Variants in HOATZ observed in about 807,000 individuals in gnomAD.
HOATZ encodes cilia- and flagella-associated protein HOATZ.
Under a neutral mutation model 24.9 loss-of-function variants are expected in HOATZ, and 26 were observed. The observed-to-expected ratio is 1.04, with a 90% CI of 0.76 to 1.45. The LOEUF is 1.45. Ranked by LOEUF, HOATZ falls within the 40% of genes most tolerant of loss-of-function variation. The pLI, the probability that HOATZ is intolerant of heterozygous loss-of-function variation, is 0.00. For synonymous variants in HOATZ, 83 were observed against 76.6 expected (o/e 1.08, Z -0.43); for missense variants, 226 against 201.5 (o/e 1.12, Z -0.74).
chr11:111,529,787 A>G (rs567884472), intron 3 of HOATZ, among the ~76,000 whole-genome samples: 1 of 152,334 alleles, frequency 6.6e-6, no homozygotes, highest in African/African-American at 2.4e-5. Context: ...TCTAGTGTTT[A>G]TTAAGAGCTT....
intron 3 of HOATZ, among the ~76,000 whole-genome samples, chr11:111,520,792 G>A (rs1307097162): frequency 6.6e-6 from 1 of 152,182 alleles, no homozygotes; most frequent in African/African-American, 2.4e-5. Flanking sequence ...CAGTCCAGTG[G>A]ATCCATGCTG....
chr11:111,536,557 G>C (rs1867452447), intron 5 of HOATZ: 3 of 437,982 alleles, frequency 6.8e-6, no homozygotes, highest in Middle Eastern at 5.9e-4. Context: ...ACATATTTGG[G>C]GTAGGAGGGC....
intron 3 of HOATZ, among the ~76,000 whole-genome samples, chr11:111,517,307 C>T (rs1867217103): frequency 6.6e-6 from 1 of 152,254 alleles, no homozygotes; most frequent in South Asian, 2.1e-4. Context: ...TAAAAGTCAA[C>T]TTCAGTGCTT....
At chr11:111,522,577 T>A (rs1183929773) in intron 3 of HOATZ, among the ~76,000 whole-genome samples, 1 of 152,210 alleles carries the variant, frequency 6.6e-6, no homozygotes, top group Non-Finnish European at 1.5e-5. Context: ...TCTGTGATAA[T>A]GTATTCTAGT....
At position 111,516,546 on chromosome 11, in the gene HOATZ, C is replaced by CA. The variant is rs111862347; in HGVS notation, c.339+450dup. Among the ~76,000 whole-genome samples, 239 of 124,706 alleles carry CA rather than the reference C, an allele frequency of 1.9e-3. 1 individual carries two copies. Among genetic ancestry groups the CA allele is most frequent in the African/African-American group, 2.9e-3 (98 of 34,230 alleles). 81.8% of individuals were successfully genotyped at this position (124,706 alleles called of 152,430 possible). A position where few individuals can be genotyped will look rare whatever the true frequency, so the allele number is the denominator to read the frequency against. On this transcript the variant is annotated intron_variant, in intron 3 of 5. Coordinates refer to ENST00000375618, the MANE Select transcript of HOATZ (RefSeq NM_001100388.2). Reference sequence around the variant, plus strand: ...CTACATAGTAAGACCTCTAACTCTACAAAAAAAAAAAAAATTTTTAATTTG... The same window carrying CA: ...CTACATAGTAAGACCTCTAACTCTACAAAAAAAAAAAAAAATTTTTAATTTG...
chr11:111,518,954 A>G (rs1867237686), intron 3 of HOATZ: 1 of 451,982 alleles, frequency 2.2e-6, no homozygotes. Context: ...TAGTATTTGT[A>G]CAGTCTCTGA....
At chr11:111,516,488 C>G (rs972840674) in intron 3 of HOATZ, among the ~76,000 whole-genome samples, 1 of 151,978 alleles carries the variant, frequency 6.6e-6, no homozygotes, top group Non-Finnish European at 1.5e-5. Context: ...GCAGGAGGAT[C>G]CCTTGAGGCC....
chr11:111,527,815 T>G (rs561291027), intron 3 of HOATZ, among the ~76,000 whole-genome samples: 2 of 152,362 alleles, frequency 1.3e-5, no homozygotes, highest in East Asian at 3.9e-4. Context: ...AGATGCATAC[T>G]GCTTTTTGAA....
Position 111,533,830 on chromosome 11 carries a change from G to C in HOATZ, c.399+25G>C, listed in dbSNP as rs538896697. ...GGTGAGACCAATAGTGAGGCATTTG[G>C]ATAATCTATCTGAGTGGATGAATTG... is the stretch of plus-strand genomic sequence containing the variant. On this transcript the variant is annotated intron_variant, in intron 4 of 5. Transcript: ENST00000375618. 43 of 1,527,580 alleles carry C rather than the reference G, an allele frequency of 2.8e-5. No homozygotes were observed. In the South Asian group the frequency reaches 5.0e-4, roughly 18 times the overall value. The allele number at this position is 1,527,580 out of a possible 1,614,324, so 94.6% of individuals were successfully genotyped here.
chr11:111,520,757 C>A (rs1413911666), intron 3 of HOATZ, among the ~76,000 whole-genome samples: 1 of 152,212 alleles, frequency 6.6e-6, no homozygotes, highest in Non-Finnish European at 1.5e-5. Context: ...CTTGTGCCAT[C>A]CCACTTGGGA....
At chr11:111,523,642 C>T (rs960258425) in intron 3 of HOATZ, among the ~76,000 whole-genome samples, 2 of 152,212 alleles carry the variant, frequency 1.3e-5, no homozygotes, top group Non-Finnish European at 1.5e-5. Flanking sequence ...ACCTCCCCAG[C>T]CTCATCTACC....
In HOATZ at chr11:111,533,400, T is replaced by C. The variant is rs531373965; in HGVS notation, c.340-346T>C. On this transcript the variant is annotated intron_variant, in intron 3 of 5. Transcript: ENST00000375618. ...CATAATGTCTATAAAGCTGTTAGCA[T>C]AGCTCATGTGGTAAGGTCTTAATAA... Among the ~76,000 whole-genome samples, 47 of 152,344 alleles carry C rather than the reference T, an allele frequency of 3.1e-4. 2 individuals are homozygous for C. In the South Asian group the frequency reaches 9.5e-3, roughly 31 times the overall value.
At chr11:111,528,630 A>G (rs1436622633) in intron 3 of HOATZ, among the ~76,000 whole-genome samples, 1 of 152,220 alleles carries the variant, frequency 6.6e-6, no homozygotes, top group Non-Finnish European at 1.5e-5. Flanking sequence ...TAAATTAACT[A>G]TGATCAAGGC....
At chr11:111,523,789 T>C (rs1867299265) in intron 3 of HOATZ, among the ~76,000 whole-genome samples, 1 of 152,234 alleles carries the variant, frequency 6.6e-6, no homozygotes, top group Non-Finnish European at 1.5e-5. Context: ...TTTCTTCCCA[T>C]TTAGCTAATA....
At chr11:111,535,604 T>G (rs1395023805) in intron 5 of HOATZ, 1 of 152,246 alleles carries the variant, frequency 6.6e-6, no homozygotes, top group Non-Finnish European at 1.5e-5. Context: ...CCTGAAGCCT[T>G]GAATTTCATT....
chr11:111,516,815 T>C (rs1352775745), intron 3 of HOATZ, among the ~76,000 whole-genome samples: 1 of 152,224 alleles, frequency 6.6e-6, no homozygotes, highest in Non-Finnish European at 1.5e-5. Flanking sequence ...TCTAGACCTG[T>C]TTTGACTAAA....
intron 3 of HOATZ, among the ~76,000 whole-genome samples, chr11:111,523,397 G>C (rs1867294163): frequency 6.6e-6 from 1 of 151,932 alleles, no homozygotes; most frequent in African/African-American, 2.4e-5. Context: ...TATATTTTAA[G>C]GTGTCTTTAA....
intron 3 of HOATZ, among the ~76,000 whole-genome samples, chr11:111,522,486 G>A (rs1433621213): frequency 1.3e-5 from 2 of 152,192 alleles, no homozygotes; most frequent in Non-Finnish European, 2.9e-5. Context: ...TCTAACGCAA[G>A]ATGAAAACGT....
At chr11:111,518,133 A>G (rs1867228731) in intron 3 of HOATZ, among the ~76,000 whole-genome samples, 1 of 152,222 alleles carries the variant, frequency 6.6e-6, no homozygotes, top group Admixed American at 6.5e-5. Context: ...CTAAACATGC[A>G]TAGTATCTGC....
Sources: gnomAD v4.1 joint callset for allele counts (sites outside exome capture counted in the v4.1 genomes callset) on GRCh38, gnomAD v4.1.1 for gene constraint, MANE v1.5 for transcripts, NCBI Gene and HGNC (gene_info 2026-07-23, HGNC 2026-07-21) for gene names.